RNF130: variants seen among roughly 807,000 people sequenced by gnomAD.
RNF130 encodes the protein ring finger protein 130.
A neutral mutation model predicts 44.6 loss-of-function variants in RNF130; 21 were observed. The observed-to-expected ratio is 0.47, with a 90% CI of 0.33 to 0.68. The LOEUF (loss-of-function observed/expected upper bound fraction) is 0.68. Ranked by LOEUF, RNF130 falls within the 30% of genes least tolerant of loss-of-function variation. The probability of loss-of-function intolerance (pLI) is 0.02; values close to 1 mark genes in which losing one functional copy is unlikely to be tolerated. For synonymous variants in RNF130, 214 were observed against 210.4 expected (o/e 1.02, Z -0.15); for missense variants, 479 against 560.6 (o/e 0.85, Z 1.47).
At chr5:180,030,562 G>A (rs1357835862) in intron 2 of RNF130, among the ~76,000 whole-genome samples, 2 of 151,958 alleles carry the variant, frequency 1.3e-5, no homozygotes, top group African/African-American at 4.8e-5. Context: ...TTAAAAGATG[G>A]GGGTTTTGCT....
intron 1 of RNF130, among the ~76,000 whole-genome samples, chr5:180,047,680 G>A (rs1455097079): frequency 6.6e-6 from 1 of 152,134 alleles, no homozygotes; most frequent in Non-Finnish European, 1.5e-5. Context: ...GGAGGCAGAG[G>A]TTGCAGTGAG....
intron 3 of RNF130, among the ~76,000 whole-genome samples, chr5:179,982,738 A>G (rs2113720938): frequency 6.6e-6 from 1 of 152,158 alleles, no homozygotes; most frequent in Non-Finnish European, 1.5e-5. Flanking sequence ...CACCACCATG[A>G]CCAACTGATT....
chr5:179,959,886 A>T (rs531062450), intron 8 of RNF130, among the ~76,000 whole-genome samples: 1 of 152,088 alleles, frequency 6.6e-6, no homozygotes, highest in South Asian at 2.1e-4. Context: ...TCATGCCAAG[A>T]TTTTTTTGAA....
At chr5:179,997,310 GT>G (rs1763223511) in intron 3 of RNF130, among the ~76,000 whole-genome samples, 1 of 150,720 alleles carries the variant, frequency 6.6e-6, no homozygotes, top group Non-Finnish European at 1.5e-5. Flanking sequence ...CCTGGCTTAT[GT>G]TTTATTTATT....
At chr5:179,979,525 A>C (rs549776817) in intron 4 of RNF130, among the ~76,000 whole-genome samples, 1 of 152,146 alleles carries the variant, frequency 6.6e-6, no homozygotes, top group South Asian at 2.1e-4. Context: ...CCCATTCTAG[A>C]TAACCTTGAA....
chr5:180,012,966 T>A (rs1763626283), intron 3 of RNF130, 95 bp downstream of exon 3: 1 of 1,425,050 alleles, frequency 7.0e-7, no homozygotes, highest in East Asian at 2.3e-5. Context: ...CAACATTTTT[T>A]AAAAGAAAAA....
chr5:179,983,794 T>A (rs960968493), intron 3 of RNF130, among the ~76,000 whole-genome samples: 1 of 152,206 alleles, frequency 6.6e-6, no homozygotes, highest in African/African-American at 2.4e-5. Flanking sequence ...TCCACCTACT[T>A]AGTTCTTGAT....
chr5:180,027,376 T>C (rs935681054), intron 2 of RNF130, among the ~76,000 whole-genome samples: 11 of 152,200 alleles, frequency 7.2e-5, no homozygotes, highest in Non-Finnish European at 1.5e-4. Flanking sequence ...CAGTGTATAA[T>C]GACCTTCTCT....
At chr5:179,987,537 T>C (rs1582165882) in intron 3 of RNF130, among the ~76,000 whole-genome samples, 1 of 152,172 alleles carries the variant, frequency 6.6e-6, no homozygotes, top group Admixed American at 6.5e-5. Context: ...GAGGGGGTGG[T>C]AGGTAGAAGT....
chr5:179,999,787 T>G (rs1349719614), intron 3 of RNF130, among the ~76,000 whole-genome samples: 1 of 152,246 alleles, frequency 6.6e-6, no homozygotes, highest in Non-Finnish European at 1.5e-5. Context: ...GTGTCACGGT[T>G]TTTAAAAATT....
At chr5:179,981,040 C>T (rs1273939941) in intron 3 of RNF130, among the ~76,000 whole-genome samples, 6 of 151,874 alleles carry the variant, frequency 4.0e-5, no homozygotes, top group African/African-American at 7.3e-5. Context: ...CTTGAGGAGT[C>T]GAGGCCTGGA....
chr5:179,940,135 G>T (rs1324324301), intron 7 of RNF130: 1 of 159,468 alleles, frequency 6.3e-6, no homozygotes, highest in East Asian at 1.9e-4. Context: ...CCTTCATAGT[G>T]ACCGCTGTGC....
intron 1 of RNF130, among the ~76,000 whole-genome samples, chr5:180,068,438 C>T (rs1256247930): frequency 6.6e-6 from 1 of 152,232 alleles, no homozygotes; most frequent in East Asian, 1.9e-4. Context: ...GCAAATGATT[C>T]TACACCCACC....
intron 7 of RNF130, among the ~76,000 whole-genome samples, chr5:179,927,965 C>T (rs902011275): frequency 3.3e-5 from 5 of 152,074 alleles, no homozygotes; most frequent in African/African-American, 7.2e-5. Context: ...CTGTCTGACA[C>T]ACAAATGTCT....
chr5:179,973,382 C>T (rs550808440), intron 5 of RNF130, among the ~76,000 whole-genome samples: 46 of 152,320 alleles, frequency 3.0e-4, no homozygotes, highest in African/African-American at 1.1e-3. Context: ...TTCAGTGCAA[C>T]TTTCACTGAA....
chr5:180,000,498 T>A (rs992900013), intron 3 of RNF130, among the ~76,000 whole-genome samples: 1 of 152,080 alleles, frequency 6.6e-6, no homozygotes, highest in Non-Finnish European at 1.5e-5. Context: ...CCTTTCCCCT[T>A]CTCTCCTTCT....
Position 179,967,249 on chromosome 5 carries a change from T to C in RNF130, c.946-239A>G, listed in dbSNP as rs74521660. Among the ~76,000 whole-genome samples the C allele has an allele frequency of 0.019, 2,964 of 152,260 alleles. 79 individuals are homozygous for C. The highest frequency in any genetic ancestry group is 0.067 in the African/African-American group (2,766 of 41,534). ...TGTTACAAAGGAAAACTAAAATTCATTGCAGATCAGAGAAGACTGGTCATG... is the reference window on the plus strand; with the variant it reads ...TGTTACAAAGGAAAACTAAAATTCACTGCAGATCAGAGAAGACTGGTCATG... On this transcript the variant is annotated intron_variant, in intron 6 of 8. Coordinates refer to ENST00000521389, the MANE Select transcript of RNF130 (RefSeq NM_018434.6).
At chr5:179,935,307 CTA>C (rs1655828357) in intron 7 of RNF130, among the ~76,000 whole-genome samples, 1 of 151,980 alleles carries the variant, frequency 6.6e-6, no homozygotes, top group Non-Finnish European at 1.5e-5. Flanking sequence ...AGTAAATAAT[CTA>C]TGTGTACTTA....
At chr5:180,027,221 AGT>A (rs1764012194) in intron 2 of RNF130, among the ~76,000 whole-genome samples, 1 of 152,132 alleles carries the variant, frequency 6.6e-6, no homozygotes. Flanking sequence ...TCCTGGAATC[AGT>A]GTCTTTCCAA....
Sources: allele counts gnomAD v4.1 joint callset (sites outside exome capture counted in the v4.1 genomes callset), GRCh38; gene constraint gnomAD v4.1.1; transcripts MANE v1.5; gene names NCBI Gene and HGNC (gene_info 2026-07-23, HGNC 2026-07-21).